Variants in DOCK10 observed in about 807,000 individuals in gnomAD.
DOCK10 encodes dedicator of cytokinesis protein 10.
In DOCK10, 145 loss-of-function variants were observed where a neutral mutation model predicts 280.1. The ratio of observed to expected loss-of-function variants is 0.52; its 90% confidence interval spans 0.45 to 0.59. The LOEUF is 0.59. Among genes scored for constraint, DOCK10 ranks in the 20% least tolerant of loss-of-function variants. DOCK10 has a pLI of 0.00. For missense variants in DOCK10, 2,368 were observed against 2,651.7 expected, an observed-to-expected ratio of 0.89 and a Z score of 2.35; for synonymous variants, 915 against 942.2, an observed-to-expected ratio of 0.97 and a Z score of 0.53.
At chr2:224,993,090 T>C (rs932991964) in intron 1 of DOCK10, among the ~76,000 whole-genome samples, 23 of 152,064 alleles carry the variant, frequency 1.5e-4, no homozygotes, top group African/African-American at 5.3e-4. Flanking sequence ...AAGGAGGTCC[T>C]ACCAAGCCCA....
At chr2:224,906,345 G>A (rs572082238) in intron 3 of DOCK10, among the ~76,000 whole-genome samples, 2 of 152,266 alleles carry the variant, frequency 1.3e-5, no homozygotes, top group Admixed American at 6.5e-5. Context: ...AAAACAAATA[G>A]TCTTCTATCT....
chr2:224,852,310 ATGG>A (rs1247402999), intron 18 of DOCK10, 64 bp downstream of exon 18: 1 of 1,232,974 alleles, frequency 8.1e-7, no homozygotes. Context: ...AAGCCCTGCA[ATGG>A]TGGAAAGAAT....
chr2:224,876,909 G>T (rs994274789), intron 7 of DOCK10, among the ~76,000 whole-genome samples: 2 of 152,086 alleles, frequency 1.3e-5, no homozygotes, highest in African/African-American at 4.8e-5. Context: ...ACATCCATGT[G>T]CAGTGACATC....
chr2:224,794,969 C>T lies in DOCK10; in HGVS notation c.5064G>A (p.Leu1688=), dbSNP rs1559419576. Residue 1688 remains leucine, a synonymous_variant, in exon 45 of 56, where the codon CTG becomes CTA. Transcript: ENST00000258390. Reference sequence around the variant, plus strand: ...CAGGAGTGCTTGCGTAGGAGTTTGCCAGGCTGTACTGGAGATCCACCAGCA... The same window carrying T: ...CAGGAGTGCTTGCGTAGGAGTTTGCTAGGCTGTACTGGAGATCCACCAGCA... ...PEMLVDLQYS[L]ANSYASTPEL... The T allele has an allele frequency of 1.9e-6, 3 of 1,613,932 alleles. No individual in the cohort carries two copies. Among genetic ancestry groups the T allele is most frequent in the Non-Finnish European group, 2.5e-6 (3 of 1,179,856 alleles).
intron 7 of DOCK10, among the ~76,000 whole-genome samples, chr2:224,884,257 C>T (rs574223933): frequency 2.2e-4 from 34 of 152,218 alleles, no homozygotes; most frequent in Non-Finnish European, 4.1e-4. Context: ...AGAAATAGGC[C>T]GGGACTAAAT....
intron 55 of DOCK10, among the ~76,000 whole-genome samples, chr2:224,766,592 A>C (rs1170979034): frequency 6.6e-6 from 1 of 151,970 alleles, no homozygotes; most frequent in Non-Finnish European, 1.5e-5. Flanking sequence ...CAAAGAGTAG[A>C]CTCCAGGTGC....
At chr2:224,939,486 G>A (rs1365842625) in intron 1 of DOCK10, among the ~76,000 whole-genome samples, 1 of 152,150 alleles carries the variant, frequency 6.6e-6, no homozygotes, top group African/African-American at 2.4e-5. Context: ...TATTTGTAAA[G>A]AAGTAGAAAA....
At position 225,019,792 on chromosome 2, in the gene DOCK10, CATT is replaced by C. The variant is rs1233500638; in HGVS notation, c.123+22457_123+22459del. 2.6e-5 allele frequency among the ~76,000 whole-genome samples: 4 copies of C among 152,100 alleles called. 1 individual carries two copies. Among genetic ancestry groups the C allele is most frequent in the Non-Finnish European group, 5.9e-5 (4 of 68,012 alleles). The stretch of plus-strand genomic sequence containing the variant: ...TTGGGAGTTTTTAATGTTCGGTTCT[CATT>C]ATACAAAGCATGGTCTACTGATTTC... On this transcript the variant is annotated intron_variant, in intron 1 of 55. Transcript: ENST00000258390.
At chr2:225,002,432 C>T (rs1706464720) in intron 1 of DOCK10, among the ~76,000 whole-genome samples, 1 of 152,212 alleles carries the variant, frequency 6.6e-6, no homozygotes, top group Non-Finnish European at 1.5e-5. Context: ...GACAACACGG[C>T]TTTCTCAGTG....
chr2:225,022,058 T>A (rs892872269), intron 1 of DOCK10, among the ~76,000 whole-genome samples: 1 of 152,204 alleles, frequency 6.6e-6, no homozygotes, highest in African/African-American at 2.4e-5. Flanking sequence ...TCAATAACAT[T>A]ATATTCAATT....
intron 18 of DOCK10, among the ~76,000 whole-genome samples, chr2:224,851,555 A>C (rs933142528): frequency 1.3e-5 from 2 of 151,532 alleles, no homozygotes; most frequent in Non-Finnish European, 2.9e-5. Flanking sequence ...GAATAATGCT[A>C]CAAATTAGAG....
intron 27 of DOCK10, among the ~76,000 whole-genome samples, chr2:224,826,418 T>C (rs931406627): frequency 2.0e-5 from 3 of 152,142 alleles, no homozygotes; most frequent in Non-Finnish European, 4.4e-5. Flanking sequence ...ATTGCACCTT[T>C]TAGAGGACTA....
intron 1 of DOCK10, among the ~76,000 whole-genome samples, chr2:224,961,412 C>CTTTCTTTCTTTTTCTTTCTT (rs57668925): frequency 8.4e-6 from 1 of 119,382 alleles, no homozygotes; most frequent in African/African-American, 3.4e-5. Flanking sequence ...TTCTTTCTTT[C>CTTTCTTTCTTTTTCTTTCTT]TCTTTCTTTC....
chr2:224,899,127 T>G (rs1213614037), intron 3 of DOCK10, among the ~76,000 whole-genome samples: 1 of 152,202 alleles, frequency 6.6e-6, no homozygotes, highest in Non-Finnish European at 1.5e-5. Flanking sequence ...CCACTCCCTT[T>G]TTGCATTCCC....
chr2:224,857,595 C>T (rs555566808), intron 14 of DOCK10, among the ~76,000 whole-genome samples: 1 of 152,218 alleles, frequency 6.6e-6, no homozygotes. Flanking sequence ...TTCATTGGAA[C>T]CAAGAAAAGT....
chr2:224,818,327 C>G (rs938917138), intron 29 of DOCK10, among the ~76,000 whole-genome samples: 1 of 151,634 alleles, frequency 6.6e-6, no homozygotes, highest in Non-Finnish European at 1.5e-5. Context: ...CAATGCTTTT[C>G]TCAGTATGTG....
At chr2:224,954,516 A>G (rs997085999) in intron 1 of DOCK10, among the ~76,000 whole-genome samples, 1 of 152,164 alleles carries the variant, frequency 6.6e-6, no homozygotes, top group African/African-American at 2.4e-5. Flanking sequence ...GTGTATTTTA[A>G]TATTTCCAGC....
intron 50 of DOCK10, among the ~76,000 whole-genome samples, chr2:224,784,431 G>A (rs944099556): frequency 5.3e-5 from 8 of 152,270 alleles, no homozygotes; most frequent in Admixed American, 3.9e-4. Flanking sequence ...TTTAAGATAC[G>A]TGGTACCCAT....
At chr2:225,023,648 AT>A (rs1314010324) in intron 1 of DOCK10, among the ~76,000 whole-genome samples, 1 of 152,216 alleles carries the variant, frequency 6.6e-6, no homozygotes, top group African/African-American at 2.4e-5. Flanking sequence ...AGCTGGCAGT[AT>A]TTCTAAAGTT....
Sources: allele counts gnomAD v4.1 joint callset (sites outside exome capture counted in the v4.1 genomes callset), GRCh38; gene constraint gnomAD v4.1.1; transcripts MANE v1.5; gene names NCBI Gene and HGNC (gene_info 2026-07-23, HGNC 2026-07-21).